Variants in VASH2 observed in about 807,000 individuals in gnomAD.
VASH2 encodes the protein tubulinyl-Tyr carboxypeptidase 2.
In VASH2, 28 loss-of-function variants were observed where a neutral mutation model predicts 37.2. The observed-to-expected ratio is 0.75, with a 90% confidence interval of 0.56 to 1.03. The LOEUF is 1.03. Among genes scored for constraint, VASH2 ranks in the 50% least tolerant of loss-of-function variants. The pLI, the probability that VASH2 is intolerant of heterozygous loss-of-function variation, is 0.00. For synonymous variants in VASH2, 188 were observed against 174.7 expected, an observed-to-expected ratio of 1.08 and a Z score of -0.60; for missense variants, 419 against 459.1, an observed-to-expected ratio of 0.91 and a Z score of 0.80.
intron 5 of VASH2, among the ~76,000 whole-genome samples, chr1:212,969,941 T>C (rs1666959649): frequency 6.6e-6 from 1 of 152,216 alleles, no homozygotes. Context: ...GCCACTTCTT[T>C]TTATCTTGCT....
Position 212,989,001 on chromosome 1 carries a change from A to C in VASH2, c.*417A>C, listed in dbSNP as rs1416602960. ...TCTTTTTCAGCAATAACAGAAAGCA[A>C]AAATGGGTGGGTTTTTTTTAAGCAG... On this transcript the variant is annotated 3_prime_UTR_variant, in exon 8 of 8. Coordinates refer to ENST00000517399, the MANE Select transcript of VASH2 (RefSeq NM_001301056.2). The C allele has an allele frequency of 1.2e-5, 2 of 163,102 alleles. No homozygotes were observed. The highest frequency in any genetic ancestry group is 3.3e-4 in the East Asian group (2 of 6,090). The allele number at this position is 163,102 out of a possible 1,614,324, so 10.1% of individuals were successfully genotyped here. A position where few individuals can be genotyped will look rare whatever the true frequency, so the allele number is the denominator to read the frequency against.
intron 5 of VASH2, chr1:212,968,681 G>A (rs888728649): frequency 1.1e-4 from 104 of 985,462 alleles, no homozygotes; most frequent in Non-Finnish European, 1.2e-4. Context: ...AATGGGGGTC[G>A]GGGCAGCAGA....
In VASH2 at chr1:212,951,717, G is replaced by T; in HGVS notation, c.175G>T (p.Asp59Tyr). The T allele has an allele frequency of 6.2e-7, 1 of 1,604,476 alleles. No homozygotes were observed. ...FHVNKSGFPI[D>Y]SHTWERMWMH... ...CGTCAACAAGAGCGGCTTCCCCATC[G>T]ACAGCCACACCTGGGAGCGCATGTG... Residue 59 changes from aspartate to tyrosine, a missense_variant, in exon 2 of 8, where the codon GAC becomes TAC. Around this residue, in one of 3 missense-constraint regions of VASH2, gnomAD observed 158 missense variants for 163.0 expected, o/e 0.97. Coordinates refer to ENST00000517399, the MANE Select transcript of VASH2 (RefSeq NM_001301056.2). The surrounding 1 kb of genome is among the most constrained non-coding windows in gnomAD (Gnocchi z 4.4).
At chr1:212,988,376 T>G (rs549376985) in intron 7 of VASH2, 136 bp from the exon 8 acceptor site, 137 of 823,344 alleles carry the variant, frequency 1.7e-4, no homozygotes, top group Non-Finnish European at 2.5e-4. Context: ...GAGCTAAGGC[T>G]GGCAGGGTGG....
Position 212,961,263 on chromosome 1 carries a change from C to A in VASH2, c.365+9C>A. 2 of 1,614,212 alleles carry A rather than the reference C, an allele frequency of 1.2e-6. No individual in the cohort carries two copies. The highest frequency in any genetic ancestry group is 1.7e-6 in the Non-Finnish European group (2 of 1,180,022). On this transcript the variant is annotated intron_variant, in intron 3 of 7. Coordinates refer to ENST00000517399, the MANE Select transcript of VASH2 (RefSeq NM_001301056.2). ...TACATGAAGACCCTACAGTATCCTTCCAACCAAGGTCTGAGCACACCCAGC... is the reference window on the plus strand; with the variant it reads ...TACATGAAGACCCTACAGTATCCTTACAACCAAGGTCTGAGCACACCCAGC...
At chr1:212,979,705 C>T (rs931882457) in intron 7 of VASH2, among the ~76,000 whole-genome samples, 2 of 152,144 alleles carry the variant, frequency 1.3e-5, no homozygotes, top group Non-Finnish European at 2.9e-5. Context: ...GCGTAGCATC[C>T]GCTGAGACCA....
In VASH2 at chr1:212,951,520, T is replaced by C; in HGVS notation, c.-23T>C. 2 of 1,314,236 alleles carry C rather than the reference T, an allele frequency of 1.5e-6. No individual in the cohort carries two copies. The highest frequency in any genetic ancestry group is 1.9e-6 in the Non-Finnish European group (2 of 1,027,954). 81.4% of individuals were successfully genotyped at this position (1,314,236 alleles called of 1,614,324 possible). ...GCCGCCGCCGCGCGCCCCCAGTACCTCGCTCCCCGCCCAGGCCCCACCATG... is the reference window on the plus strand; with the variant it reads ...GCCGCCGCCGCGCGCCCCCAGTACCCCGCTCCCCGCCCAGGCCCCACCATG... On this transcript the variant is annotated 5_prime_UTR_variant, in exon 2 of 8. Transcript: ENST00000517399. This position sits in a 1 kb window ranked among gnomAD's most constrained non-coding sequence, Gnocchi z 4.4.
At chr1:212,983,501 A>T (rs2102659424) in intron 7 of VASH2, among the ~76,000 whole-genome samples, 1 of 148,212 alleles carries the variant, frequency 6.7e-6, no homozygotes. Context: ...TAATCTATTC[A>T]TGAGGGTGAT....
intron 5 of VASH2, among the ~76,000 whole-genome samples, chr1:212,966,657 T>G (rs1304063301): frequency 6.6e-6 from 1 of 151,730 alleles, no homozygotes; most frequent in Non-Finnish European, 1.5e-5. Flanking sequence ...CTAGAGAGAG[T>G]GTGTATGTGG....
At chr1:212,958,721 C>CT (rs199920759) in intron 2 of VASH2, among the ~76,000 whole-genome samples, 104 of 148,820 alleles carry the variant, frequency 7.0e-4, no homozygotes, top group African/African-American at 1.5e-3. Flanking sequence ...ATGTTTATGT[C>CT]TTTTTTTTTT....
At chr1:212,983,394 G>C (rs1667391030) in intron 7 of VASH2, among the ~76,000 whole-genome samples, 1 of 152,230 alleles carries the variant, frequency 6.6e-6, no homozygotes, top group African/African-American at 2.4e-5. Flanking sequence ...CCATGACAGA[G>C]GGCAAAGAGA....
intron 5 of VASH2, 144 bp from the exon 6 acceptor site, chr1:212,972,436 G>T (rs553665056): frequency 9.9e-6 from 9 of 911,322 alleles, no homozygotes; most frequent in African/African-American, 8.3e-5. Context: ...CTTTATAAAA[G>T]GATTAGTCTG....
intron 7 of VASH2, 55 bp from the exon 8 acceptor site, chr1:212,988,455 TTG>T (rs2075819522): frequency 2.1e-5 from 33 of 1,569,332 alleles, no homozygotes; most frequent in Non-Finnish European, 2.7e-5. Context: ...GAAAATGCTG[TTG>T]TCTTTCTTTG....
chr1:212,988,643 G>T lies in VASH2; in HGVS notation c.*59G>T. ...GGTGCTTCTCTCTGCACTTTACCCAGCATCTTCAGGAGGAACTGCAACTAT... is the reference window on the plus strand; with the variant it reads ...GGTGCTTCTCTCTGCACTTTACCCATCATCTTCAGGAGGAACTGCAACTAT... On this transcript the variant is annotated 3_prime_UTR_variant, in exon 8 of 8. Transcript: ENST00000517399. 1 of 1,538,268 alleles carries T rather than the reference G, an allele frequency of 6.5e-7. No homozygotes were observed. The highest frequency in any genetic ancestry group is 1.1e-5 in the South Asian group (1 of 89,148).
Position 212,951,835 on chromosome 1 carries a change from G to A in VASH2, c.276+17G>A, listed in dbSNP as rs571300614. 8 of 1,592,528 alleles carry A rather than the reference G, an allele frequency of 5.0e-6. No homozygotes were observed. The highest frequency in any genetic ancestry group is 6.8e-6 in the Non-Finnish European group (8 of 1,174,106). ...TTGGCAAAGGTCAGTGGCTTCCAGG[G>A]CGGAGTTGGGGGGCTGGGGGTAGGT... On this transcript the variant is annotated intron_variant, in intron 2 of 7. Transcript: ENST00000517399. The surrounding 1 kb of genome is among the most constrained non-coding windows in gnomAD (Gnocchi z 4.4).
At chr1:212,958,175 C>T (rs1014581449) in intron 2 of VASH2, among the ~76,000 whole-genome samples, 5 of 152,138 alleles carry the variant, frequency 3.3e-5, no homozygotes, top group Non-Finnish European at 5.9e-5. Context: ...CCAGTGGGAA[C>T]GTTGGGAGCC....
rs554831590 is a variant in VASH2 at position 212,989,690 on chromosome 1, G to A, written c.*1106G>A. The A allele has an allele frequency of 6.6e-6, 1 of 152,144 alleles. No homozygotes were observed. The highest frequency in any genetic ancestry group is 2.4e-5 in the African/African-American group (1 of 41,486). 9.4% of individuals were successfully genotyped at this position (152,144 alleles called of 1,614,324 possible). A position where few individuals can be genotyped will look rare whatever the true frequency, so the allele number is the denominator to read the frequency against. ...TTAGGTACCATTTCATGACATTTTAGGAATGAGTATTGGAAAATATAAAGA... is the reference window on the plus strand; with the variant it reads ...TTAGGTACCATTTCATGACATTTTAAGAATGAGTATTGGAAAATATAAAGA... On this transcript the variant is annotated 3_prime_UTR_variant, in exon 8 of 8. Transcript: ENST00000517399.
chr1:212,979,918 G>A (rs372153985), intron 7 of VASH2, among the ~76,000 whole-genome samples: 4 of 152,254 alleles, frequency 2.6e-5, no homozygotes, highest in Admixed American at 6.5e-5. Context: ...TCCCAGCCCC[G>A]GGCCTCAGAA....
At chr1:212,955,490 A>G (rs577745797) in intron 2 of VASH2, among the ~76,000 whole-genome samples, 34 of 152,170 alleles carry the variant, frequency 2.2e-4, no homozygotes, top group Non-Finnish European at 4.7e-4. Flanking sequence ...AGTCAGTTGG[A>G]GGATAATAGC....
Sources: gnomAD v4.1 joint callset for allele counts (sites outside exome capture counted in the v4.1 genomes callset) on GRCh38, gnomAD v4.1.1 for gene constraint, gnomAD v4.1.1 regional missense constraint, Gnocchi (gnomAD v3.1) non-coding constraint, MANE v1.5 for transcripts, NCBI Gene and HGNC (gene_info 2026-07-23, HGNC 2026-07-21) for gene names.